Variants in MMP2 observed in about 807,000 individuals in gnomAD.
MMP2 encodes the protein matrix metallopeptidase 2, also known as 72 kDa type IV collagenase.
MMP2 carries 39 observed loss-of-function variants against 74.8 expected under a neutral mutation model. That is an observed-to-expected ratio of 0.52 (90% CI 0.40 to 0.68). The LOEUF (loss-of-function observed/expected upper bound fraction) is 0.68. MMP2 is among the 30% of genes least tolerant of loss of function. MMP2 has a pLI of 0.00. For missense variants in MMP2, 803 were observed against 878.3 expected, an observed-to-expected ratio of 0.91 and a Z score of 1.08; for synonymous variants, 367 against 339.8, an observed-to-expected ratio of 1.08 and a Z score of -0.88.
chr16:55,502,692 G>A, intron 11 of MMP2, 87 bp from the exon 12 acceptor site: 1 of 1,183,422 alleles, frequency 8.5e-7, no homozygotes, highest in Non-Finnish European at 1.3e-6. Context: ...CTATCCAGGA[G>A]CCATCAGCTG....
chr16:55,482,202 C>T (rs1027278636), intron 1 of MMP2, among the ~76,000 whole-genome samples: 2 of 152,078 alleles, frequency 1.3e-5, no homozygotes, highest in African/African-American at 2.4e-5. Context: ...TCGGTTGCTC[C>T]CTGAACCTCT....
At chr16:55,489,963 C>A in intron 7 of MMP2, 139 bp downstream of exon 7, 1 of 963,374 alleles carries the variant, frequency 1.0e-6, no homozygotes, top group Non-Finnish European at 1.6e-6. Context: ...GACCCGCCCA[C>A]CTGGGCTGAG....
chr16:55,504,211 G>A (rs1567383867), intron 12 of MMP2, among the ~76,000 whole-genome samples: 1 of 152,064 alleles, frequency 6.6e-6, no homozygotes, highest in Admixed American at 6.5e-5. Flanking sequence ...AGATATTCTA[G>A]TTTTTTTAAA....
chr16:55,483,995 A>G, intron 2 of MMP2, 21 bp from the exon 3 acceptor site: 1 of 1,613,538 alleles, frequency 6.2e-7, no homozygotes, highest in Non-Finnish European at 8.5e-7. Flanking sequence ...ACACACTCAC[A>G]TGCAGTTCTA....
In MMP2 at chr16:55,489,804, G is replaced by A. The variant is rs1378134753; in HGVS notation, c.1160G>A (p.Trp387Ter). The A allele has an allele frequency of 6.2e-7, 1 of 1,613,842 alleles. No individual in the cohort carries two copies. The highest frequency in any genetic ancestry group is 2.2e-5 in the East Asian group (1 of 44,870). ...GCCAACTACGATGATGACCGCAAGT[G>A]GGGCTTCTGCCCTGACCAAGGTACG... ...TTANYDDDRKWGFCPDQGYSL... is the reference protein window; with the variant it reads ...TTANYDDDRK The change falls in exon 7 of 13, where the codon TGG (tryptophan) becomes TAG (stop). Residue 387 changes from tryptophan to a stop codon, truncating the protein, a stop_gained. Transcript: ENST00000219070. LOFTEE classifies it high-confidence loss of function.
intron 1 of MMP2, 107 bp downstream of exon 1, chr16:55,479,739 G>A (rs1467158265): frequency 1.8e-5 from 26 of 1,452,592 alleles, no homozygotes; most frequent in Admixed American, 9.2e-5. Context: ...CAGCGTGGGG[G>A]AGGGGCTTCG....
intron 8 of MMP2, among the ~76,000 whole-genome samples, chr16:55,492,688 A>G (rs2142360379): frequency 6.6e-6 from 1 of 152,146 alleles, no homozygotes; most frequent in Non-Finnish European, 1.5e-5. Context: ...GCTGCAAGAT[A>G]TTGTGTAAGT....
chr16:55,481,975 G>A, intron 1 of MMP2: 1 of 585,822 alleles, frequency 1.7e-6, no homozygotes, highest in Middle Eastern at 3.6e-4. Flanking sequence ...ACAAGGCTAG[G>A]ACCGTTGTCA....
intron 11 of MMP2, among the ~76,000 whole-genome samples, chr16:55,499,346 G>GA (rs1962609706): frequency 6.6e-6 from 1 of 152,016 alleles, no homozygotes; most frequent in Non-Finnish European, 1.5e-5. Flanking sequence ...AGAGATGGGG[G>GA]AACATGAAGG....
At chr16:55,485,830 C>T (rs1420687300) in intron 5 of MMP2, 53 bp downstream of exon 5, 24 of 1,589,646 alleles carry the variant, frequency 1.5e-5, no homozygotes, top group African/African-American at 2.7e-5. Flanking sequence ...TCCAGCTTCC[C>T]GGGCTCCCCA....
Position 55,498,404 on chromosome 16 carries a change from C to T in MMP2, c.1725C>T (p.Ser575=). 1.9e-6 allele frequency: 3 copies of T among 1,614,196 alleles called. No homozygotes were observed. Among genetic ancestry groups the T allele is most frequent in the Non-Finnish European group, 2.5e-6 (3 of 1,180,042 alleles). The stretch of plus-strand genomic sequence containing the variant: ...GAGTGGATGCCGCCTTTAACTGGAG[C>T]AAAAACAAGAAGACATACATCTTTG... The part of the protein sequence containing the change: ...VQRVDAAFNW[S]KNKKTYIFAG... The change falls in exon 11 of 13, where the codon AGC becomes AGT. Residue 575 remains serine, a synonymous_variant. Coordinates refer to ENST00000219070, the MANE Select transcript of MMP2 (RefSeq NM_004530.6).
rs1251252126 is a variant in MMP2 at position 55,489,918 on chromosome 16, G to A, written c.1180+94G>A. ...CTTCCTGAGACCTCACCCACTTCAA[G>A]CATAGACACTGCCCCCCAGACACCC... On this transcript the variant is annotated intron_variant, in intron 7 of 12. Coordinates refer to ENST00000219070, the MANE Select transcript of MMP2 (RefSeq NM_004530.6). The A allele has an allele frequency of 2.1e-6, 3 of 1,404,226 alleles. No individual in the cohort carries two copies. The East Asian group carries it at 7.4e-5, about 35-fold the overall frequency. The allele number at this position is 1,404,226 out of a possible 1,614,324, so 87.0% of individuals were successfully genotyped here. A position where few individuals can be genotyped will look rare whatever the true frequency, so the allele number is the denominator to read the frequency against.
intron 9 of MMP2, among the ~76,000 whole-genome samples, chr16:55,495,586 G>C (rs1297421802): frequency 6.6e-6 from 1 of 152,206 alleles, no homozygotes; most frequent in Non-Finnish European, 1.5e-5. Flanking sequence ...TGATAACTAA[G>C]TAATTTGAAT....
At chr16:55,479,965 C>G in intron 1 of MMP2, 1 of 134,630 alleles carries the variant, frequency 7.4e-6, no homozygotes, top group Non-Finnish European at 1.3e-5. Context: ...CCTCTAGTAT[C>G]TGGGACATTT....
chr16:55,506,224 A>G lies in MMP2; in HGVS notation c.*782A>G, dbSNP rs1234533051. 6.6e-6 allele frequency: 1 copy of G among 152,208 alleles called. No homozygotes were observed. Among genetic ancestry groups the G allele is most frequent in the Non-Finnish European group, 1.5e-5 (1 of 68,074 alleles). 9.4% of individuals were successfully genotyped at this position (152,208 alleles called of 1,614,324 possible). A position where few individuals can be genotyped will look rare whatever the true frequency, so the allele number is the denominator to read the frequency against. On this transcript the variant is annotated 3_prime_UTR_variant, in exon 13 of 13. Transcript: ENST00000219070. ...GAAATGTCAACAAGTATGAATAAAG[A>G]CACCTACTGAGTGGCCGTGTTTGCC...
chr16:55,498,548 G>C (rs1455709195), intron 11 of MMP2, 100 bp downstream of exon 11: 2 of 1,512,388 alleles, frequency 1.3e-6, no homozygotes, highest in African/African-American at 2.7e-5. Context: ...TCAGAGGTTG[G>C]TGGGCTCTGG....
At chr16:55,483,853 T>A (rs1419470992) in intron 2 of MMP2, among the ~76,000 whole-genome samples, 163 bp from the exon 3 acceptor site, 3 of 152,188 alleles carry the variant, frequency 2.0e-5, no homozygotes, top group African/African-American at 7.2e-5. Context: ...CACATATACA[T>A]ACACATACCT....
intron 9 of MMP2, among the ~76,000 whole-genome samples, chr16:55,494,616 G>C: frequency 6.6e-6 from 1 of 152,312 alleles, no homozygotes; most frequent in African/African-American, 2.4e-5. Context: ...TTCTGCCCCA[G>C]CTTCAGACCC....
At chr16:55,494,531 T>A (rs559953578) in intron 9 of MMP2, among the ~76,000 whole-genome samples, 12 of 152,252 alleles carry the variant, frequency 7.9e-5, no homozygotes, top group African/African-American at 2.6e-4. Context: ...GGCTGCTAGA[T>A]CAGTGTTCTC....
Sources: allele counts gnomAD v4.1 joint callset (sites outside exome capture counted in the v4.1 genomes callset), GRCh38; gene constraint gnomAD v4.1.1; transcripts MANE v1.5; gene names NCBI Gene and HGNC (gene_info 2026-07-23, HGNC 2026-07-21).